The following PDZD8 variants were observed in gnomAD, a reference collection of about 807,000 sequenced individuals.
PDZD8 encodes PDZ domain containing 8.
PDZD8 carries 14 observed loss-of-function variants against 85.8 expected under a neutral mutation model. The ratio of observed to expected loss-of-function variants is 0.16; its 90% CI spans 0.11 to 0.26. The LOEUF (loss-of-function observed/expected upper bound fraction) is 0.26. Ranked by LOEUF, PDZD8 falls within the 10% of genes least tolerant of loss-of-function variation. The probability of loss-of-function intolerance (pLI) is 1.00; values close to 1 mark genes in which losing one functional copy is unlikely to be tolerated. For missense variants in PDZD8, 1,197 were observed against 1,424.3 expected (o/e 0.84, Z 2.57); for synonymous variants, 592 against 568.6 (o/e 1.04, Z -0.59).
intron 2 of PDZD8, among the ~76,000 whole-genome samples, chr10:117,339,731 G>A (rs76320328): frequency 6.6e-6 from 1 of 152,204 alleles, no homozygotes; most frequent in Non-Finnish European, 1.5e-5. Context: ...GCAACAGAGA[G>A]CATGTGAATC....
intron 1 of PDZD8, among the ~76,000 whole-genome samples, chr10:117,373,769 G>C (rs1372925080): frequency 6.8e-6 from 1 of 147,380 alleles, no homozygotes; most frequent in African/African-American, 2.6e-5. Flanking sequence ...GACACAGCAA[G>C]ACTCTGTCTC....
At chr10:117,335,470 A>T (rs1174865776) in intron 2 of PDZD8, among the ~76,000 whole-genome samples, 1 of 152,240 alleles carries the variant, frequency 6.6e-6, no homozygotes, top group Admixed American at 6.5e-5. Context: ...TAAAGGACAG[A>T]TAACAGTGTA....
chr10:117,353,340 T>A (rs1426747904), intron 1 of PDZD8, among the ~76,000 whole-genome samples: 1 of 152,180 alleles, frequency 6.6e-6, no homozygotes, highest in Non-Finnish European at 1.5e-5. Flanking sequence ...CCAGTGCAGT[T>A]TGATGGCTCT....
In PDZD8 at chr10:117,284,603, G is replaced by A. The variant is rs1427942084; in HGVS notation, c.2130C>T (p.Tyr710=). 6.2e-7 allele frequency: 1 copy of A among 1,614,160 alleles called. No homozygotes were observed. Residue 710 remains tyrosine (Y), a synonymous_variant, in exon 5 of 5, where the codon TAC becomes TAT. Transcript: ENST00000334464. ...CLFDIEACHR[Y]LNIALWCRDP... ...CCCTGCACCACAATGCAATGTTTAAGTACCTGTGACAGGCTTCTATGTCAA... is the reference window on the plus strand; with the variant it reads ...CCCTGCACCACAATGCAATGTTTAAATACCTGTGACAGGCTTCTATGTCAA...
chr10:117,366,468 T>G (rs1436351996), intron 1 of PDZD8, among the ~76,000 whole-genome samples: 1 of 151,108 alleles, frequency 6.6e-6, no homozygotes, highest in Non-Finnish European at 1.5e-5. Context: ...ATTTTTAGGG[T>G]TTTTTTTTAA....
intron 3 of PDZD8, among the ~76,000 whole-genome samples, chr10:117,303,939 G>A (rs1007278599): frequency 2.0e-5 from 3 of 152,230 alleles, no homozygotes; most frequent in Admixed American, 2.0e-4. Context: ...CTCTGCTAGG[G>A]CAGTGTCAAA....
At chr10:117,355,009 A>C (rs2133869095) in intron 1 of PDZD8, among the ~76,000 whole-genome samples, 1 of 152,340 alleles carries the variant, frequency 6.6e-6, no homozygotes, top group Middle Eastern at 3.4e-3. Context: ...ACTAAGTGTA[A>C]GCCAGAAAGA....
At chr10:117,336,458 A>G (rs1844516351) in intron 2 of PDZD8, among the ~76,000 whole-genome samples, 1 of 152,216 alleles carries the variant, frequency 6.6e-6, no homozygotes, top group Non-Finnish European at 1.5e-5. Context: ...TTCTATTAAT[A>G]ATACCATCCT....
Position 117,289,774 on chromosome 10 carries a change from C to A in PDZD8, c.1261+412G>T, listed in dbSNP as rs1309544757. Among the ~76,000 whole-genome samples, 9 of 152,112 alleles carry A rather than the reference C, an allele frequency of 5.9e-5. No individual in the cohort carries two copies. In the East Asian group the frequency reaches 1.7e-3, roughly 29 times the overall value. On this transcript the variant is annotated intron_variant, in intron 4 of 4. Transcript: ENST00000334464. ...TGGTTCTTCTGCTCATCATCTAGTG[C>A]TAAGTGATGGGGGCAGTAGTGCTAA... is the stretch of plus-strand genomic sequence containing the variant.
Position 117,281,570 on chromosome 10 carries a change from T to C in PDZD8, c.*1698A>G, listed in dbSNP as rs1259691802. On this transcript the variant is annotated 3_prime_UTR_variant, in exon 5 of 5. Transcript: ENST00000334464. ...CCCTCAAAAATGTCTTTCTTACTCA[T>C]ATAAATAATGCCTTTTACTTGTATA... The C allele has an allele frequency of 1.3e-5, 2 of 152,192 alleles. No individual in the cohort carries two copies. The highest frequency in any genetic ancestry group is 3.9e-4 in the East Asian group (2 of 5,192). The allele number at this position is 152,192 out of a possible 1,614,324, so 9.4% of individuals were successfully genotyped here. A position where few individuals can be genotyped will look rare whatever the true frequency, so the allele number is the denominator to read the frequency against.
intron 2 of PDZD8, among the ~76,000 whole-genome samples, chr10:117,340,534 G>A (rs1844593293): frequency 6.6e-6 from 1 of 152,070 alleles, no homozygotes; most frequent in African/African-American, 2.4e-5. Context: ...ATTTCCACCT[G>A]CCCATGCTGT....
intron 3 of PDZD8, among the ~76,000 whole-genome samples, chr10:117,292,562 C>G (rs1355957596): frequency 1.5e-5 from 2 of 131,112 alleles, no homozygotes; most frequent in African/African-American, 5.5e-5. Context: ...AAAATTAACA[C>G]CTGCATTTGG....
intron 1 of PDZD8, among the ~76,000 whole-genome samples, chr10:117,371,316 C>G (rs1845187360): frequency 6.6e-6 from 1 of 152,124 alleles, no homozygotes; most frequent in Admixed American, 6.5e-5. Context: ...TCCAGAGTAG[C>G]TGGGATTACA....
chr10:117,345,941 G>T (rs1191989583), intron 1 of PDZD8, among the ~76,000 whole-genome samples: 1 of 151,946 alleles, frequency 6.6e-6, no homozygotes, highest in African/African-American at 2.4e-5. Context: ...AACTATAGGG[G>T]TTCAGCTATA....
chr10:117,333,134 A>C (rs1389839610), intron 2 of PDZD8, among the ~76,000 whole-genome samples: 3 of 149,500 alleles, frequency 2.0e-5, no homozygotes, highest in African/African-American at 7.3e-5. Flanking sequence ...AAAAAAAAAA[A>C]AAAAAAAAAG....
chr10:117,354,480 C>G (rs946393960), intron 1 of PDZD8, among the ~76,000 whole-genome samples: 1 of 152,160 alleles, frequency 6.6e-6, no homozygotes, highest in Non-Finnish European at 1.5e-5. Context: ...GTGATTTCTC[C>G]TACCCACAAT....
chr10:117,369,409 T>C (rs1845151363), intron 1 of PDZD8, among the ~76,000 whole-genome samples: 1 of 152,126 alleles, frequency 6.6e-6, no homozygotes, highest in South Asian at 2.1e-4. Flanking sequence ...TCCGCCTGCC[T>C]TGCCCTCCCA....
At position 117,332,244 on chromosome 10, in the gene PDZD8, A is replaced by T. The variant is rs543076625; in HGVS notation, c.995+8736T>A. 6.6e-5 allele frequency among the ~76,000 whole-genome samples: 10 copies of T among 152,266 alleles called. No individual in the cohort carries two copies. In the East Asian group the frequency reaches 1.9e-3, roughly 29 times the overall value. On this transcript the variant is annotated intron_variant, in intron 2 of 4. Coordinates refer to ENST00000334464, the MANE Select transcript of PDZD8 (RefSeq NM_173791.5). ...TGCAACTTTTCCTTTATACAAATTT[A>T]AATGTCTTATGCCTGAGCTAATTTC...
At chr10:117,297,071 C>T (rs1843770026) in intron 3 of PDZD8, among the ~76,000 whole-genome samples, 1 of 152,108 alleles carries the variant, frequency 6.6e-6, no homozygotes, top group Middle Eastern at 3.4e-3. Context: ...ATATATAACT[C>T]TTACAACTAA....
Sources: allele counts gnomAD v4.1 joint callset (sites outside exome capture counted in the v4.1 genomes callset), GRCh38; gene constraint gnomAD v4.1.1; transcripts MANE v1.5; gene names NCBI Gene and HGNC (gene_info 2026-07-23, HGNC 2026-07-21).